The following FHIT variants were observed in gnomAD, a reference collection of about 807,000 sequenced individuals.
The protein encoded by FHIT is bis(5'-adenosyl)-triphosphatase.
FHIT carries 19 observed loss-of-function variants against 17.9 expected under a neutral mutation model. That is an observed-to-expected ratio of 1.06 (90% confidence interval 0.74 to 1.56). The LOEUF is 1.56. FHIT is among the 40% of genes most tolerant of loss of function. FHIT has a pLI of 0.00. For synonymous variants in FHIT, 81 were observed against 69.7 expected (o/e 1.16, Z -0.81); for missense variants, 248 against 189.2 (o/e 1.31, Z -1.82).
intron 5 of FHIT, among the ~76,000 whole-genome samples, chr3:60,431,215 G>A (rs73096265): frequency 3.8e-4 from 57 of 148,806 alleles, no homozygotes; most frequent in Non-Finnish European, 4.2e-4. Context: ...CATCTCAAAA[G>A]AAAAAAAAAA....
chr3:61,241,337 G>A (rs2040368885), intron 1 of FHIT, among the ~76,000 whole-genome samples: 1 of 152,158 alleles, frequency 6.6e-6, no homozygotes, highest in African/African-American at 2.4e-5. Context: ...GTGCTTCTGG[G>A]CACAGCTTAA....
chr3:60,073,955 C>G (rs962036734), intron 5 of FHIT, among the ~76,000 whole-genome samples: 1 of 152,152 alleles, frequency 6.6e-6, no homozygotes, highest in African/African-American at 2.4e-5. Flanking sequence ...CTCTTTACTT[C>G]TTATTCCTGA....
chr3:60,715,749 T>C (rs1422076012), intron 4 of FHIT, among the ~76,000 whole-genome samples: 4 of 152,094 alleles, frequency 2.6e-5, no homozygotes, highest in Admixed American at 2.0e-4. Context: ...TGTGCTCATG[T>C]ACCCTAAAAC....
At chr3:61,202,546 A>C (rs2039059799) in intron 1 of FHIT, among the ~76,000 whole-genome samples, 1 of 152,210 alleles carries the variant, frequency 6.6e-6, no homozygotes, top group Non-Finnish European at 1.5e-5. Context: ...CCAATATAAA[A>C]ATATATGGAT....
At chr3:61,208,539 C>T (rs781639027) in intron 1 of FHIT, among the ~76,000 whole-genome samples, 2 of 152,026 alleles carry the variant, frequency 1.3e-5, no homozygotes, top group African/African-American at 2.4e-5. Flanking sequence ...TAGCTCTTCT[C>T]ATTGAATTGA....
At chr3:60,425,870 A>C (rs1702644424) in intron 5 of FHIT, among the ~76,000 whole-genome samples, 2 of 152,072 alleles carry the variant, frequency 1.3e-5, no homozygotes, top group Admixed American at 6.6e-5. Flanking sequence ...ATTGATAGCC[A>C]TCCCATATAA....
chr3:61,172,761 T>C (rs955666155), intron 2 of FHIT, among the ~76,000 whole-genome samples: 8 of 123,884 alleles, frequency 6.5e-5, no homozygotes, highest in Non-Finnish European at 1.1e-4. Flanking sequence ...GTGCCTAGAA[T>C]GCTCCTCACT....
At chr3:60,173,915 A>ATATATATT in intron 5 of FHIT, among the ~76,000 whole-genome samples, 1 of 66,444 alleles carries the variant, frequency 1.5e-5, no homozygotes, top group Non-Finnish European at 2.8e-5. Flanking sequence ...ATATATATAT[A>ATATATATT]TGTTTTTTTT....
chr3:60,554,726 A>G (rs918835327), intron 4 of FHIT, among the ~76,000 whole-genome samples: 4 of 152,220 alleles, frequency 2.6e-5, no homozygotes, highest in Non-Finnish European at 5.9e-5. Context: ...CACATAAATT[A>G]TATTTTGAAC....
intron 3 of FHIT, among the ~76,000 whole-genome samples, chr3:60,829,292 G>C (rs888989187): frequency 6.6e-6 from 1 of 152,164 alleles, no homozygotes; most frequent in Admixed American, 6.5e-5. Context: ...CTCTGGGTTT[G>C]ATCACAGAGA....
chr3:61,028,195 A>C (rs1336821135), intron 3 of FHIT, among the ~76,000 whole-genome samples: 1 of 152,188 alleles, frequency 6.6e-6, no homozygotes, highest in Non-Finnish European at 1.5e-5. Flanking sequence ...TTCAAGTTCC[A>C]CCATTATTAC....
chr3:60,747,203 A>G (rs2042376282), intron 4 of FHIT, among the ~76,000 whole-genome samples: 1 of 151,324 alleles, frequency 6.6e-6, no homozygotes, highest in African/African-American at 2.4e-5. Flanking sequence ...TTCCTCCTTC[A>G]TCTAGCAGCA....
intron 7 of FHIT, among the ~76,000 whole-genome samples, chr3:59,938,450 T>A (rs770509120): frequency 1.4e-4 from 21 of 152,108 alleles, no homozygotes; most frequent in African/African-American, 4.8e-4. Context: ...AGCAGCAGAT[T>A]TGTAGGAAGA....
intron 4 of FHIT, among the ~76,000 whole-genome samples, chr3:60,748,215 A>G (rs554172862): frequency 6.6e-6 from 1 of 152,288 alleles, no homozygotes; most frequent in East Asian, 1.9e-4. Context: ...CAGGCAAGGT[A>G]ATTCTGTTGG....
rs1701519599 is a variant in FHIT, at chr3:60,809,932, T to C, written c.-18+11987A>G. ...GATTCTGATTTCTTCTGTATGGGCA[T>C]TGGTATTTTTTAAAGCTACCATATA... On this transcript the variant is annotated intron_variant, in intron 4 of 9. Coordinates refer to ENST00000492590, the MANE Select transcript of FHIT (RefSeq NM_002012.4). Among the ~76,000 whole-genome samples the C allele has an allele frequency of 2.6e-5, 4 of 152,288 alleles. No individual in the cohort carries two copies. The East Asian group carries it at 5.8e-4, about 22-fold the overall frequency.
intron 4 of FHIT, among the ~76,000 whole-genome samples, chr3:60,788,934 C>T (rs1553727721): frequency 6.6e-6 from 1 of 151,632 alleles, no homozygotes; most frequent in African/African-American, 2.4e-5. Context: ...GCATTTCAGC[C>T]ACCACCAACA....
intron 5 of FHIT, among the ~76,000 whole-genome samples, chr3:60,144,132 T>C (rs1005967279): frequency 6.6e-6 from 1 of 152,202 alleles, no homozygotes; most frequent in Non-Finnish European, 1.5e-5. Context: ...TTTGTGTTGA[T>C]TTGAGTTGCT....
chr3:60,508,001 T>C (rs960782372), intron 5 of FHIT, among the ~76,000 whole-genome samples: 2 of 152,212 alleles, frequency 1.3e-5, no homozygotes, highest in Non-Finnish European at 2.9e-5. Flanking sequence ...CATGTGTCTT[T>C]ATAGCAGAAT....
intron 5 of FHIT, among the ~76,000 whole-genome samples, chr3:60,517,318 C>G (rs1228857814): frequency 6.6e-6 from 1 of 152,132 alleles, no homozygotes; most frequent in Non-Finnish European, 1.5e-5. Flanking sequence ...ATATATGATG[C>G]AATACATGTA....
Sources: allele counts gnomAD v4.1 joint callset (sites outside exome capture counted in the v4.1 genomes callset), GRCh38; gene constraint gnomAD v4.1.1; transcripts MANE v1.5; gene names NCBI Gene and HGNC (gene_info 2026-07-23, HGNC 2026-07-21).